The following CNTN4 variants were observed in gnomAD, a reference collection of about 807,000 sequenced individuals.
CNTN4 encodes the protein contactin-4.
In CNTN4, 77 loss-of-function variants were observed where a neutral mutation model predicts 122.5. The observed-to-expected ratio is 0.63, with a 90% CI of 0.52 to 0.76. The LOEUF is 0.76. CNTN4 is among the 30% of genes least tolerant of loss of function. The probability of loss-of-function intolerance (pLI) is 0.00; values close to 1 mark genes in which losing one functional copy is unlikely to be tolerated. For synonymous variants in CNTN4, 512 were observed against 447.0 expected (o/e 1.15, Z -1.83); for missense variants, 1,256 against 1,259.1 (o/e 1.00, Z 0.04).
intron 3 of CNTN4, among the ~76,000 whole-genome samples, chr3:2,465,212 G>A (rs1695062101): frequency 6.6e-6 from 1 of 152,096 alleles, no homozygotes; most frequent in Non-Finnish European, 1.5e-5. Context: ...AGTAATCTGT[G>A]GGCATGATTC....
chr3:2,579,546 T>TA (rs372790761), intron 4 of CNTN4, among the ~76,000 whole-genome samples: 3 of 148,768 alleles, frequency 2.0e-5, no homozygotes, highest in African/African-American at 7.4e-5. Context: ...TTTTTTTTTT[T>TA]ATCTGTAAAA....
At chr3:2,526,637 G>A (rs995051199) in intron 3 of CNTN4, among the ~76,000 whole-genome samples, 7 of 152,150 alleles carry the variant, frequency 4.6e-5, no homozygotes, top group East Asian at 3.9e-4. Context: ...AACCAATCAT[G>A]TACTTTTTTG....
intron 3 of CNTN4, among the ~76,000 whole-genome samples, chr3:2,534,299 G>C (rs191602593): frequency 5.9e-5 from 9 of 152,258 alleles, no homozygotes; most frequent in African/African-American, 2.2e-4. Flanking sequence ...GTAAGGAAGG[G>C]ATCCAGTTTC....
chr3:2,814,165 T>C (rs2092676575), intron 6 of CNTN4, among the ~76,000 whole-genome samples: 1 of 152,310 alleles, frequency 6.6e-6, no homozygotes, highest in East Asian at 1.9e-4. Flanking sequence ...TTATGTAAAA[T>C]GCTGACAAAT....
intron 3 of CNTN4, among the ~76,000 whole-genome samples, chr3:2,468,228 A>C (rs947566194): frequency 6.6e-6 from 1 of 152,212 alleles, no homozygotes; most frequent in Non-Finnish European, 1.5e-5. Context: ...AATAACAAAC[A>C]ATTTTAATGC....
intron 2 of CNTN4, among the ~76,000 whole-genome samples, chr3:2,116,324 C>G (rs1220050123): frequency 6.6e-6 from 1 of 152,122 alleles, no homozygotes; most frequent in Non-Finnish European, 1.5e-5. Flanking sequence ...TCCAATCCAT[C>G]ATTCCTGTCC....
intron 14 of CNTN4, among the ~76,000 whole-genome samples, chr3:3,020,306 C>A (rs117615838): frequency 1.3e-5 from 2 of 152,048 alleles, no homozygotes; most frequent in African/African-American, 4.8e-5. Flanking sequence ...AGATCTAGTC[C>A]GTGACTCCCA....
At chr3:2,721,251 C>T (rs1240678451) in intron 4 of CNTN4, among the ~76,000 whole-genome samples, 4 of 152,122 alleles carry the variant, frequency 2.6e-5, no homozygotes, top group Non-Finnish European at 4.4e-5. Context: ...GGATTACAGA[C>T]GTGAGCCACC....
At chr3:2,862,509 T>C (rs1003350459) in intron 7 of CNTN4, among the ~76,000 whole-genome samples, 5 of 152,212 alleles carry the variant, frequency 3.3e-5, no homozygotes, top group African/African-American at 1.2e-4. Context: ...CTAGCCTCAG[T>C]ATTTTTCAGT....
intron 23 of CNTN4, 31 bp downstream of exon 23, chr3:3,043,735 A>G: frequency 7.0e-7 from 1 of 1,433,052 alleles, no homozygotes; most frequent in Non-Finnish European, 9.8e-7. Context: ...AAAGGCACCT[A>G]ATCGTGCTGT....
intron 4 of CNTN4, among the ~76,000 whole-genome samples, chr3:2,731,547 C>G (rs1228442482): frequency 6.6e-5 from 10 of 152,190 alleles, no homozygotes. Flanking sequence ...TAGGTGAGCT[C>G]TTGGCAATCT....
chr3:2,189,456 C>T (rs763158063), intron 2 of CNTN4, among the ~76,000 whole-genome samples: 16 of 152,180 alleles, frequency 1.1e-4, no homozygotes, highest in Middle Eastern at 6.8e-3. Context: ...ATTGAGTTAA[C>T]GTGGTATATG....
At chr3:2,785,400 T>G (rs1342463878) in intron 6 of CNTN4, among the ~76,000 whole-genome samples, 1 of 152,066 alleles carries the variant, frequency 6.6e-6, no homozygotes, top group Non-Finnish European at 1.5e-5. Flanking sequence ...TCCTCTTTCA[T>G]TCTACTCAGG....
At chr3:2,338,235 C>T (rs1199514171) in intron 2 of CNTN4, among the ~76,000 whole-genome samples, 1 of 151,794 alleles carries the variant, frequency 6.6e-6, no homozygotes, top group Non-Finnish European at 1.5e-5. Flanking sequence ...CGATATTATC[C>T]TGAGAGTAAA....
chr3:3,003,252 T>C (rs1696226940), intron 14 of CNTN4, among the ~76,000 whole-genome samples: 1 of 152,184 alleles, frequency 6.6e-6, no homozygotes, highest in Non-Finnish European at 1.5e-5. Flanking sequence ...AACTGAGCCA[T>C]GTGTAGATGT....
At chr3:3,025,225 T>C (rs1175477009) in intron 14 of CNTN4, among the ~76,000 whole-genome samples, 3 of 152,156 alleles carry the variant, frequency 2.0e-5, no homozygotes, top group Non-Finnish European at 4.4e-5. Context: ...GTTTAAACTA[T>C]AATGTAAAGG....
intron 3 of CNTN4, among the ~76,000 whole-genome samples, chr3:2,358,102 C>G (rs188669174): frequency 6.6e-6 from 1 of 152,066 alleles, no homozygotes; most frequent in Admixed American, 6.6e-5. Flanking sequence ...GCAGCAAAAT[C>G]ATTTCTTTTG....
chr3:2,323,987 C>G (rs1462585883), intron 2 of CNTN4, among the ~76,000 whole-genome samples: 3 of 152,308 alleles, frequency 2.0e-5, no homozygotes, highest in African/African-American at 7.2e-5. Context: ...AACTTCAACA[C>G]TGTTCACATT....
intron 6 of CNTN4, among the ~76,000 whole-genome samples, chr3:2,804,044 G>GATAT (rs59467735): frequency 6.9e-6 from 1 of 145,944 alleles, no homozygotes; most frequent in Non-Finnish European, 1.5e-5. Context: ...ATTATTTAGG[G>GATAT]ATATATATAT....
Sources: allele counts gnomAD v4.1 joint callset (sites outside exome capture counted in the v4.1 genomes callset), GRCh38; gene constraint gnomAD v4.1.1; transcripts MANE v1.5; gene names NCBI Gene and HGNC (gene_info 2026-07-23, HGNC 2026-07-21).